The following SFI1 variants were observed in gnomAD, a reference collection of about 807,000 sequenced individuals.
SFI1 encodes the protein protein SFI1 homolog.
SFI1 carries 195 observed loss-of-function variants against 207.5 expected under a neutral mutation model. That is an observed-to-expected ratio of 0.94 (90% CI 0.84 to 1.06). The LOEUF is 1.06. SFI1 is among the 50% of genes least tolerant of loss of function. The probability of loss-of-function intolerance (pLI) is 0.00; values close to 1 mark genes in which losing one functional copy is unlikely to be tolerated. For synonymous variants in SFI1, 630 were observed against 598.9 expected (o/e 1.05, Z -0.76); for missense variants, 1,634 against 1,588.0 (o/e 1.03, Z -0.49).
intron 8 of SFI1, among the ~76,000 whole-genome samples, chr22:31,568,427 G>T (rs1837821505): frequency 6.7e-6 from 1 of 149,426 alleles, no homozygotes; most frequent in Admixed American, 6.8e-5. Flanking sequence ...AGCTACCTGG[G>T]AGGCTGAGCA....
chr22:31,568,531 CAAAA>C (rs60447566), intron 8 of SFI1, among the ~76,000 whole-genome samples: 20 of 37,430 alleles, frequency 5.3e-4, no homozygotes, highest in African/African-American at 1.8e-3. Flanking sequence ...GACCCTGTCT[CAAAA>C]AAAAAAAAAA....
At chr22:31,590,951 T>TTTTATTTA (rs200262154) in intron 15 of SFI1, among the ~76,000 whole-genome samples, 2,514 of 144,310 alleles carry the variant, frequency 0.017, 60 homozygotes, top group African/African-American at 0.055. Flanking sequence ...ACTTTTTTCT[T>TTTTATTTA]TTTATTTATT....
chr22:31,582,456 T>C (rs536245157), intron 12 of SFI1, among the ~76,000 whole-genome samples: 40 of 151,088 alleles, frequency 2.6e-4, no homozygotes, highest in Admixed American at 1.1e-3. Flanking sequence ...TTCACCGTGT[T>C]GGCCAGGCTG....
chr22:31,592,787 G>C (rs2066236218), intron 15 of SFI1, among the ~76,000 whole-genome samples: 1 of 132,434 alleles, frequency 7.6e-6, no homozygotes, highest in Admixed American at 7.0e-5. Flanking sequence ...TCCCAGACGG[G>C]GCGGCTGGCC....
At position 31,583,925 on chromosome 22, in the gene SFI1, G is replaced by A; in HGVS notation, c.1299G>A (p.Lys433=). 2 of 1,614,132 alleles carry A rather than the reference G, an allele frequency of 1.2e-6. No homozygotes were observed. Among genetic ancestry groups the A allele is most frequent in the Non-Finnish European group, 1.7e-6 (2 of 1,180,024 alleles). The change falls in exon 13 of 33, where the codon AAG becomes AAA. Residue 433 remains lysine, a synonymous_variant. Coordinates refer to ENST00000400288, the MANE Select transcript of SFI1 (RefSeq NM_001007467.3). The stretch of plus-strand genomic sequence containing the variant: ...GGCGGTCTCAGATTGAGCAGAAAAA[G>A]GAAAGAGAGCTGCTCCCCTTACTGC... ...NLWRSQIEQK[K]ERELLPLLHA...
chr22:31,573,319 A>G (rs1569347720), intron 9 of SFI1, 105 bp downstream of exon 9: 1 of 1,252,126 alleles, frequency 8.0e-7, no homozygotes, highest in Non-Finnish European at 1.1e-6. Flanking sequence ...GTGCTACTCC[A>G]GAAATTTTGG....
chr22:31,584,123 C>A, intron 13 of SFI1, 151 bp downstream of exon 13: 1 of 677,964 alleles, frequency 1.5e-6, no homozygotes. Flanking sequence ...CCATTTGTTC[C>A]TGACTTTGGG....
intron 7 of SFI1, among the ~76,000 whole-genome samples, chr22:31,557,506 T>C (rs1300363013): frequency 6.6e-6 from 1 of 152,154 alleles, no homozygotes; most frequent in East Asian, 1.9e-4. Context: ...TGAAACAATA[T>C]TTTGAACATA....
chr22:31,575,423 G>T (rs368165585), intron 10 of SFI1, 31 bp downstream of exon 10: 39 of 1,552,570 alleles, frequency 2.5e-5, no homozygotes, highest in Non-Finnish European at 3.3e-5. Flanking sequence ...GCTGTCCATT[G>T]CCTCAGCCAG....
chr22:31,566,719 A>G (rs1015518659), intron 8 of SFI1, among the ~76,000 whole-genome samples: 2 of 152,236 alleles, frequency 1.3e-5, no homozygotes, highest in African/African-American at 2.4e-5. Context: ...AATGCCTGGA[A>G]TGTGGAAATG....
Position 31,585,056 on chromosome 22 carries a change from C to T in SFI1, c.1347-12C>T. 1.2e-6 allele frequency: 2 copies of T among 1,610,716 alleles called. No individual in the cohort carries two copies. Among genetic ancestry groups the T allele is most frequent in the Non-Finnish European group, 1.7e-6 (2 of 1,178,798 alleles). On this transcript the variant is annotated splice_polypyrimidine_tract_variant and intron_variant, in intron 13 of 32. Coordinates refer to ENST00000400288, the MANE Select transcript of SFI1 (RefSeq NM_001007467.3). ...AACTTGAAACCTGAAGGTGTTCTTC[C>T]TTTTGTTTCAGAATAGCACTGCTGT... is the stretch of plus-strand genomic sequence containing the variant.
chr22:31,515,798 C>T (rs1214646643), intron 2 of SFI1, among the ~76,000 whole-genome samples: 3 of 147,580 alleles, frequency 2.0e-5, no homozygotes, highest in Admixed American at 6.9e-5. Context: ...AGTGCAGTGG[C>T]GTGATCTCGG....
intron 6 of SFI1, among the ~76,000 whole-genome samples, chr22:31,554,631 G>T (rs2148108036): frequency 7.1e-6 from 1 of 141,614 alleles, no homozygotes; most frequent in Non-Finnish European, 1.5e-5. Context: ...TTCAGATGGA[G>T]CCTCACTTTG....
At chr22:31,568,956 G>A (rs898188774) in intron 8 of SFI1, among the ~76,000 whole-genome samples, 4 of 152,018 alleles carry the variant, frequency 2.6e-5, no homozygotes, top group East Asian at 1.9e-4. Flanking sequence ...GGAACTCATC[G>A]GTCATGATTT....
chr22:31,548,480 CAA>C, intron 5 of SFI1, among the ~76,000 whole-genome samples: 1 of 134,410 alleles, frequency 7.4e-6, no homozygotes. Flanking sequence ...AACTAAAATA[CAA>C]AAAAAAAAAA....
chr22:31,526,702 T>C (rs1286848107), intron 2 of SFI1, among the ~76,000 whole-genome samples: 1 of 151,830 alleles, frequency 6.6e-6, no homozygotes, highest in African/African-American at 2.4e-5. Flanking sequence ...ACTACAGGCG[T>C]GTGCCACCAC....
At chr22:31,496,850 G>A (rs1309106897) in intron 1 of SFI1, among the ~76,000 whole-genome samples, 1 of 152,234 alleles carries the variant, frequency 6.6e-6, no homozygotes, top group Non-Finnish European at 1.5e-5. Context: ...GACGGGGCCC[G>A]GAGCCTGCCA....
intron 12 of SFI1, among the ~76,000 whole-genome samples, chr22:31,583,096 A>AT (rs965082732): frequency 6.6e-5 from 10 of 151,576 alleles, no homozygotes; most frequent in East Asian, 3.9e-4. Flanking sequence ...GCCTTGTATA[A>AT]TTTTTTTTGT....
At chr22:31,584,472 G>A (rs2064763527) in intron 13 of SFI1, among the ~76,000 whole-genome samples, 1 of 152,158 alleles carries the variant, frequency 6.6e-6, no homozygotes, top group Non-Finnish European at 1.5e-5. Context: ...ACAAGTAAGA[G>A]TAAGATCTTA....
Sources: gnomAD v4.1 joint callset for allele counts (sites outside exome capture counted in the v4.1 genomes callset) on GRCh38, gnomAD v4.1.1 for gene constraint, MANE v1.5 for transcripts, NCBI Gene and HGNC (gene_info 2026-07-23, HGNC 2026-07-21) for gene names.